LGR4: variants seen among roughly 807,000 people sequenced by gnomAD.
The protein encoded by LGR4 is leucine-rich repeat-containing G protein-coupled receptor 4.
A neutral mutation model predicts 84.8 loss-of-function variants in LGR4; 44 were observed. The observed-to-expected ratio is 0.52, with a 90% CI of 0.41 to 0.67. LGR4 has a LOEUF of 0.67. Among genes scored for constraint, LGR4 ranks in the 30% least tolerant of loss-of-function variants. The pLI, the probability that LGR4 is intolerant of heterozygous loss-of-function variation, is 0.00. For missense variants in LGR4, 1,032 were observed against 1,131.4 expected, an observed-to-expected ratio of 0.91 and a Z score of 1.26; for synonymous variants, 429 against 434.3, an observed-to-expected ratio of 0.99 and a Z score of 0.15.
At chr11:27,432,434 T>C (rs1405264971) in intron 1 of LGR4, among the ~76,000 whole-genome samples, 1 of 152,112 alleles carries the variant, frequency 6.6e-6, no homozygotes, top group Non-Finnish European at 1.5e-5. Context: ...CTACTTCATA[T>C]AAAGTGTTTG....
At chr11:27,443,170 G>A (rs948435700) in intron 1 of LGR4, among the ~76,000 whole-genome samples, 2 of 152,102 alleles carry the variant, frequency 1.3e-5, no homozygotes, top group Non-Finnish European at 2.9e-5. Context: ...AGAAATCCTG[G>A]CTGATCTCTG....
intron 4 of LGR4, among the ~76,000 whole-genome samples, chr11:27,388,214 C>T (rs1863220732): frequency 6.6e-6 from 1 of 152,144 alleles, no homozygotes; most frequent in Non-Finnish European, 1.5e-5. Context: ...TAATCCTTAT[C>T]TCTCAATTCA....
chr11:27,446,928 C>T (rs1167865421), intron 1 of LGR4, among the ~76,000 whole-genome samples: 3 of 151,816 alleles, frequency 2.0e-5, no homozygotes, highest in African/African-American at 4.8e-5. Flanking sequence ...AGCAAACTAT[C>T]GCAAGGACAG....
At chr11:27,456,445 T>C (rs112372945) in intron 1 of LGR4, among the ~76,000 whole-genome samples, 1 of 152,186 alleles carries the variant, frequency 6.6e-6, no homozygotes, top group Non-Finnish European at 1.5e-5. Context: ...TATAAAAACA[T>C]CTTCAACAGG....
intron 1 of LGR4, among the ~76,000 whole-genome samples, chr11:27,432,242 C>A (rs576078449): frequency 6.6e-6 from 1 of 152,338 alleles, no homozygotes; most frequent in Non-Finnish European, 1.5e-5. Context: ...ACGCTAGCAG[C>A]CTTTTCCACT....
chr11:27,373,925 A>G (rs910236503), intron 14 of LGR4, 50 bp downstream of exon 14: 1 of 1,259,372 alleles, frequency 7.9e-7, no homozygotes, highest in African/African-American at 1.5e-5. Flanking sequence ...AGATGTTTCT[A>G]TAGCACTAGT....
At chr11:27,423,960 AACATAAATTTCACGGCAGAAC>A (rs1863971562) in intron 1 of LGR4, among the ~76,000 whole-genome samples, 2 of 152,334 alleles carry the variant, frequency 1.3e-5, no homozygotes, top group African/African-American at 4.8e-5. Context: ...CCCAGACACA[AACATAAATTTCACGGCAGAAC>A]ATAGTTTTCT....
At chr11:27,371,522 T>C in intron 17 of LGR4, 93 bp downstream of exon 17, 3 of 848,450 alleles carry the variant, frequency 3.5e-6, no homozygotes, top group Non-Finnish European at 5.8e-6. Context: ...ACCATCCCTA[T>C]TACAGAAATC....
rs986110895 is a variant in LGR4 at position 27,377,363 on chromosome 11, C to T, written c.1044-140G>A. 8 of 465,990 alleles carry T rather than the reference C, an allele frequency of 1.7e-5. No homozygotes were observed. The South Asian group carries it at 3.3e-4, about 19-fold the overall frequency. 28.9% of individuals were successfully genotyped at this position (465,990 alleles called of 1,614,324 possible). A position where few individuals can be genotyped will look rare whatever the true frequency, so the allele number is the denominator to read the frequency against. Reference sequence around the variant, plus strand: ...TGAATAAGAAAAACAAGTCTTTTTTCCTAAGACTTGTCAGCTTCTCAAATA... The same window carrying T: ...TGAATAAGAAAAACAAGTCTTTTTTTCTAAGACTTGTCAGCTTCTCAAATA... On this transcript the variant is annotated intron_variant, in intron 11 of 17. Transcript: ENST00000379214.
In LGR4 at chr11:27,366,976, C is replaced by T. The variant is rs1181224468; in HGVS notation, c.*891G>A. 1 of 152,078 alleles carries T rather than the reference C, an allele frequency of 6.6e-6. No individual in the cohort carries two copies. Among genetic ancestry groups the T allele is most frequent in the African/African-American group, 2.4e-5 (1 of 41,432 alleles). 9.4% of individuals were successfully genotyped at this position (152,078 alleles called of 1,614,324 possible). ...ATCCAAGCTATTGCTAGGTGACATC[C>T]CAGCAAATTGGAAAATATTAGTAGA... is the stretch of plus-strand genomic sequence containing the variant. On this transcript the variant is annotated 3_prime_UTR_variant, in exon 18 of 18. Transcript: ENST00000379214.
Position 27,385,453 on chromosome 11 carries a change from G to A in LGR4, c.417C>T (p.Asn139=). 1 of 1,602,976 alleles carries A rather than the reference G, an allele frequency of 6.2e-7. No individual in the cohort carries two copies. Among genetic ancestry groups the A allele is most frequent in the Non-Finnish European group, 8.5e-7 (1 of 1,174,834 alleles). ...SALQSLRLDA[N]HITSVPEDSF... ...TGTCCTCGGGGACTGAGGTAATATG[G>A]TTGGCATCTAAACGCCTAACAGAAA... Residue 139 remains asparagine, a synonymous_variant, in exon 5 of 18, where the codon AAC becomes AAT. Transcript: ENST00000379214.
At chr11:27,454,828 T>C (rs1348595439) in intron 1 of LGR4, among the ~76,000 whole-genome samples, 3 of 151,528 alleles carry the variant, frequency 2.0e-5, no homozygotes, top group Admixed American at 2.0e-4. Flanking sequence ...AATTATCTCC[T>C]ACAATTTCAA....
At chr11:27,416,535 C>T (rs1030695055) in intron 1 of LGR4, among the ~76,000 whole-genome samples, 2 of 152,178 alleles carry the variant, frequency 1.3e-5, no homozygotes, top group Non-Finnish European at 2.9e-5. Flanking sequence ...GGAGACACCA[C>T]ACTGCCTTTG....
At chr11:27,406,508 T>C (rs1045816644) in intron 2 of LGR4, among the ~76,000 whole-genome samples, 1 of 152,128 alleles carries the variant, frequency 6.6e-6, no homozygotes, top group Non-Finnish European at 1.5e-5. Flanking sequence ...CAGAGTTTTA[T>C]GAGTTAAAAT....
chr11:27,422,207 T>C (rs1035945443), intron 1 of LGR4, among the ~76,000 whole-genome samples: 1 of 152,186 alleles, frequency 6.6e-6, no homozygotes, highest in African/African-American at 2.4e-5. Context: ...GCAGACAAAA[T>C]GCACTATTCA....
Position 27,371,681 on chromosome 11 carries a change from T to A in LGR4, c.1513A>T (p.Asn505Tyr). The change falls in exon 17 of 18, where the codon AAT becomes TAT. Residue 505 changes from asparagine to tyrosine, a missense_variant. Coordinates refer to ENST00000379214, the MANE Select transcript of LGR4 (RefSeq NM_018490.5). Reference protein sequence around the residue: ...AQEKGTADAANVTSTLENEEH... With the variant: ...AQEKGTADAAYVTSTLENEEH... ...TCATTTTCAAGAGTGCTTGTGACAT[T>A]TGCTGCATCAGCAGTACCTGAACAT... is the stretch of plus-strand genomic sequence containing the variant. 2.5e-6 allele frequency: 4 copies of A among 1,612,160 alleles called. No homozygotes were observed. The highest frequency in any genetic ancestry group is 3.4e-6 in the Non-Finnish European group (4 of 1,178,674).
chr11:27,472,019 G>GCGGGGTGGGGTGGGA, intron 1 of LGR4, 99 bp downstream of exon 1: 1 of 884,124 alleles, frequency 1.1e-6, no homozygotes, highest in Non-Finnish European at 1.5e-6. Flanking sequence ...CGGCGGCGGG[G>GCGGGGTGGGGTGGGA]CGGGGTGGGG....
At position 27,385,336 on chromosome 11, in the gene LGR4, G is replaced by T. The variant is rs1477778536; in HGVS notation, c.534C>A (p.Thr178=). 6.2e-7 allele frequency: 1 copy of T among 1,611,418 alleles called. No individual in the cohort carries two copies. Among genetic ancestry groups the T allele is most frequent in the Non-Finnish European group, 8.5e-7 (1 of 1,178,996 alleles). ...TGAGAGCCAGGGTCAGCGCCTGTAG[G>T]GTGGGCAGATTGCTGAGGGGGTGCA... ...VPVHPLSNLP[T]LQALTLALNK... Residue 178 remains threonine, a synonymous_variant, in exon 5 of 18, where the codon ACC becomes ACA. Transcript: ENST00000379214.
intron 1 of LGR4, among the ~76,000 whole-genome samples, chr11:27,444,312 A>C (rs1376617114): frequency 6.6e-6 from 1 of 152,206 alleles, no homozygotes; most frequent in African/African-American, 2.4e-5. Flanking sequence ...AAGAGTGCCA[A>C]CTCAAAGAAG....
Sources: gnomAD v4.1 joint callset for allele counts (sites outside exome capture counted in the v4.1 genomes callset) on GRCh38, gnomAD v4.1.1 for gene constraint, MANE v1.5 for transcripts, NCBI Gene and HGNC (gene_info 2026-07-23, HGNC 2026-07-21) for gene names.